FLYWCH1: variants seen among roughly 807,000 people sequenced by gnomAD.
FLYWCH1 encodes FLYWCH-type zinc finger-containing protein 1.
In FLYWCH1, 75 loss-of-function variants were observed where a neutral mutation model predicts 66.4. The ratio of observed to expected loss-of-function variants is 1.13; its 90% CI spans 0.94 to 1.37. The LOEUF is 1.37. Ranked by LOEUF, FLYWCH1 falls within the 40% of genes most tolerant of loss-of-function variation. The probability of loss-of-function intolerance (pLI) is 0.00; values close to 1 mark genes in which losing one functional copy is unlikely to be tolerated. For missense variants in FLYWCH1, 1,334 were observed against 1,001.8 expected, an observed-to-expected ratio of 1.33 and a Z score of -4.48; for synonymous variants, 595 against 429.9, an observed-to-expected ratio of 1.38 and a Z score of -4.75.
At chr16:2,918,385 G>A (rs2070248287) in intron 2 of FLYWCH1, among the ~76,000 whole-genome samples, 2 of 151,632 alleles carry the variant, frequency 1.3e-5, no homozygotes, top group African/African-American at 2.4e-5. Flanking sequence ...CTGACCTCGT[G>A]ATCCGCCTGC....
intron 6 of FLYWCH1, chr16:2,935,555 C>G (rs1474060347): frequency 6.6e-6 from 1 of 152,104 alleles, no homozygotes; most frequent in Non-Finnish European, 1.5e-5. Flanking sequence ...TGCCTCCCGT[C>G]GTTTCCTGGG....
intron 2 of FLYWCH1, among the ~76,000 whole-genome samples, chr16:2,925,585 G>GGC (rs2070535682): frequency 7.1e-6 from 1 of 140,342 alleles, no homozygotes; most frequent in Non-Finnish European, 1.6e-5. Flanking sequence ...GGGGGGAGGG[G>GGC]GGTACGGGGC....
chr16:2,941,494 C>G (rs138667154), intron 9 of FLYWCH1, among the ~76,000 whole-genome samples: 7 of 152,018 alleles, frequency 4.6e-5, no homozygotes, highest in African/African-American at 1.4e-4. Flanking sequence ...CTGGTAGTAT[C>G]GCTTGAACCT....
rs950382260 is a variant in FLYWCH1, at chr16:2,914,639, C to T, written c.-74+350C>T. Among the ~76,000 whole-genome samples the T allele has an allele frequency of 2.0e-5, 3 of 152,164 alleles. No homozygotes were observed. The South Asian group carries it at 6.2e-4, about 31-fold the overall frequency. On this transcript the variant is annotated intron_variant, in intron 2 of 9. Transcript: ENST00000253928. ...TGCAGCCAGGCATGGTGGTTCACGT[C>T]TGTAATCCCAGCACTTTGGGAGGCT... is the stretch of plus-strand genomic sequence containing the variant.
intron 9 of FLYWCH1, among the ~76,000 whole-genome samples, chr16:2,946,011 T>C (rs1465796293): frequency 6.6e-6 from 1 of 151,296 alleles, no homozygotes; most frequent in East Asian, 1.9e-4. Context: ...AATAAATAAA[T>C]AAAAGCTTGT....
intron 2 of FLYWCH1, among the ~76,000 whole-genome samples, chr16:2,916,529 C>G (rs1359646339): frequency 6.6e-6 from 1 of 151,892 alleles, no homozygotes. Flanking sequence ...CTCAGCTACT[C>G]TGGAGGCTGA....
chr16:2,928,503 A>G (rs921421258), intron 2 of FLYWCH1, among the ~76,000 whole-genome samples: 5 of 152,196 alleles, frequency 3.3e-5, no homozygotes, highest in African/African-American at 1.2e-4. Flanking sequence ...GTCTGCAAAC[A>G]TATTGTTAAC....
intron 2 of FLYWCH1, among the ~76,000 whole-genome samples, chr16:2,924,330 CAAA>C (rs1181695820): frequency 8.6e-6 from 1 of 116,714 alleles, no homozygotes; most frequent in Non-Finnish European, 1.8e-5. Flanking sequence ...GACTCCATCT[CAAA>C]AAAAAAAAAA....
At position 2,912,326 on chromosome 16, in the gene FLYWCH1, C is replaced by T. The variant is rs553730820; in HGVS notation, c.-188+172C>T. ...CCGCGATTCCCTCCTTGCTCCTCGC[C>T]CCTCCATCCCCACCCCCCCGTCCCC... On this transcript the variant is annotated intron_variant, in intron 1 of 9. Transcript: ENST00000253928. Among the ~76,000 whole-genome samples, 1,185 of 152,050 alleles carry T rather than the reference C, an allele frequency of 7.8e-3. 6 individuals carry two copies. Among genetic ancestry groups the T allele is most frequent in the Non-Finnish European group, 0.011 (765 of 67,910 alleles).
Position 2,936,435 on chromosome 16 carries a change from C to T in FLYWCH1, c.1514-686C>T, listed in dbSNP as rs1168170083. 6 of 453,980 alleles carry T rather than the reference C, an allele frequency of 1.3e-5. No homozygotes were observed. The East Asian group carries it at 4.2e-4, about 32-fold the overall frequency. The allele number at this position is 453,980 out of a possible 1,614,324, so 28.1% of individuals were successfully genotyped here. ...TCCATCCCTCTTGAAGGTAGTTCCA[C>T]AGCCAGACACCCTCCCGCCCCCCGC... On this transcript the variant is annotated intron_variant, in intron 6 of 9. Transcript: ENST00000253928.
chr16:2,917,162 A>T (rs1296277219), intron 2 of FLYWCH1, among the ~76,000 whole-genome samples: 3 of 71,956 alleles, frequency 4.2e-5, no homozygotes, highest in Admixed American at 3.1e-4. Context: ...TCTCAAAAAT[A>T]AAAAAAAGTA....
intron 2 of FLYWCH1, chr16:2,915,518 A>G (rs8054735): frequency 0.28 from 42,251 of 152,080 alleles, 5,973 homozygotes; most frequent in Admixed American, 0.31. Context: ...ATATGAGTAT[A>G]AAAGAATTGT....
intron 2 of FLYWCH1, among the ~76,000 whole-genome samples, chr16:2,929,273 AGGGACTGGAGGG>A: frequency 6.6e-6 from 1 of 152,266 alleles, no homozygotes; most frequent in East Asian, 1.9e-4. Context: ...GTCATAATGT[AGGGACTGGAGGG>A]GGGACTGGAA....
chr16:2,942,142 A>C (rs1273336667), intron 9 of FLYWCH1, among the ~76,000 whole-genome samples: 1 of 152,140 alleles, frequency 6.6e-6, no homozygotes, highest in Non-Finnish European at 1.5e-5. Flanking sequence ...GAAAAGCAAG[A>C]ATACTGAAAA....
In FLYWCH1 at chr16:2,933,712, C is replaced by G; in HGVS notation, c.1250-4C>G. On this transcript the variant is annotated splice_polypyrimidine_tract_variant and splice_region_variant and intron_variant, in intron 5 of 9. Transcript: ENST00000253928. ...TCCCCTGACTGCCTCTTGAACCTCC[C>G]CAGGAGGCCCTGAGTTCCTGAAGAC... 2 of 1,610,970 alleles carry G rather than the reference C, an allele frequency of 1.2e-6. No homozygotes were observed. The highest frequency in any genetic ancestry group is 1.7e-6 in the Non-Finnish European group (2 of 1,178,388).
At chr16:2,913,780 G>A (rs1344356511) in intron 1 of FLYWCH1, among the ~76,000 whole-genome samples, 1 of 152,176 alleles carries the variant, frequency 6.6e-6, no homozygotes, top group Admixed American at 6.5e-5. Flanking sequence ...CATGTCTGAG[G>A]CAAGTGCACC....
Position 2,939,748 on chromosome 16 carries a change from G to A in FLYWCH1, c.2051-284G>A, listed in dbSNP as rs186179502. The A allele has an allele frequency of 2.7e-3, 894 of 336,490 alleles. 8 individuals are homozygous for A. The highest frequency in any genetic ancestry group is 4.3e-3 in the Non-Finnish European group (788 of 181,988). The allele number at this position is 336,490 out of a possible 1,614,324, so 20.8% of individuals were successfully genotyped here. A position where few individuals can be genotyped will look rare whatever the true frequency, so the allele number is the denominator to read the frequency against. On this transcript the variant is annotated intron_variant, in intron 8 of 9. Coordinates refer to ENST00000253928, the MANE Select transcript of FLYWCH1 (RefSeq NM_001308068.2). ...GGATTTCTTTGAGAAAGCCACTATC[G>A]AGCTTACAGAGAAAGTTGTGCTGGA...
At chr16:2,937,510 A>C in intron 7 of FLYWCH1, 126 bp downstream of exon 7, 5 of 1,147,688 alleles carry the variant, frequency 4.4e-6, no homozygotes, top group Non-Finnish European at 3.5e-6. Context: ...GGGGCCATAA[A>C]CTCCCCAGGG....
In FLYWCH1 at chr16:2,921,266, A is replaced by C. The variant is rs951250762; in HGVS notation, c.-74+6977A>C. Among the ~76,000 whole-genome samples the C allele has an allele frequency of 5.3e-5, 8 of 152,130 alleles. No homozygotes were observed. In the South Asian group the frequency reaches 1.7e-3, roughly 32 times the overall value. ...AAGCTGTCCAAGTATCACCACCATCAATTTTAGGACTTTTTAAGTCTACAA... is the reference window on the plus strand; with the variant it reads ...AAGCTGTCCAAGTATCACCACCATCCATTTTAGGACTTTTTAAGTCTACAA... On this transcript the variant is annotated intron_variant, in intron 2 of 9. Coordinates refer to ENST00000253928, the MANE Select transcript of FLYWCH1 (RefSeq NM_001308068.2).
Sources: allele counts gnomAD v4.1 joint callset (sites outside exome capture counted in the v4.1 genomes callset), GRCh38; gene constraint gnomAD v4.1.1; transcripts MANE v1.5; gene names NCBI Gene and HGNC (gene_info 2026-07-23, HGNC 2026-07-21).